HSD17B12: variants seen among roughly 807,000 people sequenced by gnomAD.
HSD17B12 encodes the protein very-long-chain 3-oxoacyl-CoA reductase.
Under a neutral mutation model 39.3 loss-of-function variants are expected in HSD17B12, and 32 were observed. The ratio of observed to expected loss-of-function variants is 0.81; its 90% confidence interval spans 0.61 to 1.09. The LOEUF (loss-of-function observed/expected upper bound fraction) is 1.09, where lower values mean the gene tolerates loss of function less well. HSD17B12 is among the 50% of genes least tolerant of loss of function. HSD17B12 has a pLI of 0.00. For missense variants in HSD17B12, 342 were observed against 382.9 expected (o/e 0.89, Z 0.89); for synonymous variants, 150 against 146.7 (o/e 1.02, Z -0.16).
intron 3 of HSD17B12, among the ~76,000 whole-genome samples, chr11:43,763,597 T>C (rs1950571384): frequency 1.4e-5 from 2 of 144,534 alleles, no homozygotes; most frequent in African/African-American, 5.1e-5. Context: ...TATATATATA[T>C]ATATAAGGTT....
At chr11:43,641,968 G>A in the HSD17B12 span, among the ~76,000 whole-genome samples, 2 of 151,714 alleles carry the variant, frequency 1.3e-5, no homozygotes, top group Non-Finnish European at 3.0e-5. Context: ...TTCTAGCTTT[G>A]TCACCAATGC....
At chr11:43,819,302 C>T (rs1253721798) in intron 6 of HSD17B12, among the ~76,000 whole-genome samples, 1 of 152,100 alleles carries the variant, frequency 6.6e-6, no homozygotes, top group Non-Finnish European at 1.5e-5. Context: ...ATGAACATGC[C>T]ATCCCTTGGC....
intron 6 of HSD17B12, 65 bp from the exon 7 acceptor site, chr11:43,830,911 T>C: frequency 7.3e-7 from 1 of 1,363,164 alleles, no homozygotes; most frequent in Non-Finnish European, 1.0e-6. Flanking sequence ...GGGTGAGTTT[T>C]CTTCACTCTT....
chr11:43,852,224 C>T (rs765625464), intron 9 of HSD17B12: 20 of 152,174 alleles, frequency 1.3e-4, no homozygotes, highest in Admixed American at 5.2e-4. Flanking sequence ...GAAGAGTTAA[C>T]TTGTGGCACC....
the HSD17B12 span, among the ~76,000 whole-genome samples, chr11:43,661,884 C>T: frequency 3.9e-5 from 6 of 152,090 alleles, no homozygotes; most frequent in Non-Finnish European, 7.4e-5. Flanking sequence ...ATAATATACA[C>T]TCTAGATTTT....
At chr11:43,557,942 G>A in the HSD17B12 span, among the ~76,000 whole-genome samples, 3 of 152,140 alleles carry the variant, frequency 2.0e-5, no homozygotes, top group East Asian at 1.9e-4. Flanking sequence ...AAGGAGGGGC[G>A]TTCTATGAGG....
chr11:43,615,986 G>T, the HSD17B12 span, among the ~76,000 whole-genome samples: 1 of 152,228 alleles, frequency 6.6e-6, no homozygotes, highest in Non-Finnish European at 1.5e-5. Context: ...GTGGTTATTT[G>T]TTTTTGTATC....
At chr11:43,826,525 A>G (rs770180827) in intron 6 of HSD17B12, among the ~76,000 whole-genome samples, 1 of 152,208 alleles carries the variant, frequency 6.6e-6, no homozygotes, top group Non-Finnish European at 1.5e-5. Flanking sequence ...AATTTATTAC[A>G]AAAGGAAAAA....
intron 1 of HSD17B12, among the ~76,000 whole-genome samples, chr11:43,742,760 GT>G (rs143152358): frequency 2.6e-4 from 37 of 144,362 alleles, no homozygotes; most frequent in Middle Eastern, 3.6e-3. Flanking sequence ...TTGTGTGTGT[GT>G]TTTTTTTTTG....
chr11:43,743,953 G>A (rs1282496019), intron 1 of HSD17B12, among the ~76,000 whole-genome samples: 1 of 152,166 alleles, frequency 6.6e-6, no homozygotes, highest in East Asian at 1.9e-4. Flanking sequence ...ATAAGAACAA[G>A]ATGCTGTTAA....
chr11:43,671,670 G>A, the HSD17B12 span, among the ~76,000 whole-genome samples: 1 of 152,212 alleles, frequency 6.6e-6, no homozygotes, highest in Non-Finnish European at 1.5e-5. Flanking sequence ...ATTGAGTGGA[G>A]AAAGAAAGTT....
the HSD17B12 span, among the ~76,000 whole-genome samples, chr11:43,595,873 G>A: frequency 6.6e-6 from 1 of 152,130 alleles, no homozygotes; most frequent in African/African-American, 2.4e-5. Flanking sequence ...GAGATTTACT[G>A]TCCTATTGCC....
intron 1 of HSD17B12, chr11:43,718,696 G>C (rs1950148402): frequency 2.1e-6 from 2 of 970,384 alleles, no homozygotes; most frequent in Admixed American, 2.1e-5. Context: ...AAGCAAAGAA[G>C]GAAGCTCCTG....
At chr11:43,693,993 A>T (rs1042292643) in intron 1 of HSD17B12, among the ~76,000 whole-genome samples, 1 of 152,254 alleles carries the variant, frequency 6.6e-6, no homozygotes, top group African/African-American at 2.4e-5. Flanking sequence ...GGAGGCGATG[A>T]TCTCCTTACA....
At chr11:43,792,340 T>A (rs950247617) in intron 3 of HSD17B12, among the ~76,000 whole-genome samples, 7 of 152,214 alleles carry the variant, frequency 4.6e-5, no homozygotes, top group East Asian at 1.9e-4. Context: ...AGAGGTTTTT[T>A]AAAAAACGTG....
rs545816481 is a variant in HSD17B12, at chr11:43,763,658, G to T, written c.283+9537G>T. On this transcript the variant is annotated intron_variant, in intron 3 of 10. Transcript: ENST00000278353. ...TACATATAAGATATATATATAGAGA[G>T]AGAGAGAGATGACAAGTTAATACTT... Among the ~76,000 whole-genome samples, 338 of 148,992 alleles carry T rather than the reference G, an allele frequency of 2.3e-3. 1 individual carries two copies. Among genetic ancestry groups the T allele is most frequent in the African/African-American group, 7.5e-3 (305 of 40,782 alleles).
chr11:43,574,186 C>T, the HSD17B12 span, among the ~76,000 whole-genome samples: 1 of 152,158 alleles, frequency 6.6e-6, no homozygotes, highest in Non-Finnish European at 1.5e-5. Flanking sequence ...TAAGCTTAAC[C>T]CCAAATCTCT....
At chr11:43,815,402 T>C (rs1951112484) in intron 4 of HSD17B12, 35 bp from the exon 5 acceptor site, 2 of 1,221,474 alleles carry the variant, frequency 1.6e-6, no homozygotes, top group Non-Finnish European at 2.4e-6. Flanking sequence ...AAAATATGCA[T>C]ATGTTACTCA....
chr11:43,577,161 G>A, the HSD17B12 span, among the ~76,000 whole-genome samples: 9 of 152,220 alleles, frequency 5.9e-5, no homozygotes, highest in Non-Finnish European at 7.3e-5. Context: ...TGCTGTCCAC[G>A]GAAGATAGGT....
Sources: allele counts gnomAD v4.1 joint callset (sites outside exome capture counted in the v4.1 genomes callset), GRCh38; gene constraint gnomAD v4.1.1; transcripts MANE v1.5; gene names NCBI Gene and HGNC (gene_info 2026-07-23, HGNC 2026-07-21).